Variants in SYT9 observed in about 807,000 individuals in gnomAD.
The protein encoded by SYT9 is synaptotagmin-9.
Under a neutral mutation model 48.4 loss-of-function variants are expected in SYT9, and 22 were observed. That is an observed-to-expected ratio of 0.45 (90% CI 0.32 to 0.65). SYT9 has a LOEUF of 0.65. Among genes scored for constraint, SYT9 ranks in the 30% least tolerant of loss-of-function variants. The pLI, the probability that SYT9 is intolerant of heterozygous loss-of-function variation, is 0.03. For missense variants in SYT9, 577 were observed against 622.0 expected (o/e 0.93, Z 0.77); for synonymous variants, 265 against 245.0 (o/e 1.08, Z -0.76).
intron 3 of SYT9, among the ~76,000 whole-genome samples, chr11:7,394,630 T>C (rs115286193): frequency 0.014 from 2,063 of 152,208 alleles, 42 homozygotes; most frequent in African/African-American, 0.048. Context: ...AGAACAAACT[T>C]TTCATTTCAT....
At chr11:7,359,052 C>T (rs1463109617) in intron 3 of SYT9, among the ~76,000 whole-genome samples, 5 of 151,526 alleles carry the variant, frequency 3.3e-5, no homozygotes, top group Admixed American at 2.6e-4. Context: ...TTCCTGTGTC[C>T]ATATGTTCTC....
chr11:7,332,952 A>G (rs1192283971), intron 3 of SYT9, among the ~76,000 whole-genome samples: 1 of 152,234 alleles, frequency 6.6e-6, no homozygotes, highest in Non-Finnish European at 1.5e-5. Flanking sequence ...AAGTATTACT[A>G]TCCAAAATAG....
At chr11:7,366,703 C>T (rs1368462808) in intron 3 of SYT9, among the ~76,000 whole-genome samples, 2 of 152,070 alleles carry the variant, frequency 1.3e-5, no homozygotes, top group African/African-American at 4.8e-5. Context: ...TATAAATCCA[C>T]ATATATATAT....
chr11:7,286,897 T>C (rs1468549310), intron 1 of SYT9, among the ~76,000 whole-genome samples: 1 of 152,206 alleles, frequency 6.6e-6, no homozygotes, highest in Non-Finnish European at 1.5e-5. Context: ...TCAACAAGTC[T>C]CCAGGAAGTT....
chr11:7,306,347 T>C (rs1849030238), intron 2 of SYT9, among the ~76,000 whole-genome samples: 1 of 152,174 alleles, frequency 6.6e-6, no homozygotes. Flanking sequence ...ATGTAACACT[T>C]CAGTTTTTCA....
intron 6 of SYT9, among the ~76,000 whole-genome samples, chr11:7,451,488 A>G (rs574959893): frequency 6.6e-6 from 1 of 152,332 alleles, no homozygotes; most frequent in South Asian, 2.1e-4. Flanking sequence ...TCCTCTTCAG[A>G]TAAAAGAACC....
Position 7,286,577 on chromosome 11 carries a change from A to C in SYT9, c.146-16462A>C, listed in dbSNP as rs574277660. On this transcript the variant is annotated intron_variant, in intron 1 of 6. Coordinates refer to ENST00000318881, the MANE Select transcript of SYT9 (RefSeq NM_175733.4). ...TACGCAAATTTCTGCAGCCAGCTTG[A>C]ATTTCTCCCCAGAAAATGGCTTTTT... Among the ~76,000 whole-genome samples, 4 of 152,308 alleles carry C rather than the reference A, an allele frequency of 2.6e-5. No homozygotes were observed. In the South Asian group the frequency reaches 8.3e-4, roughly 32 times the overall value.
chr11:7,242,787 C>A (rs1039888201), intron 1 of SYT9, among the ~76,000 whole-genome samples: 1 of 152,098 alleles, frequency 6.6e-6, no homozygotes, highest in African/African-American at 2.4e-5. Flanking sequence ...TGGCTTACAC[C>A]TGTAATCCCA....
chr11:7,394,755 C>T (rs556945864), intron 3 of SYT9, among the ~76,000 whole-genome samples: 67 of 152,066 alleles, frequency 4.4e-4, no homozygotes, highest in Non-Finnish European at 9.0e-4. Context: ...TTTCTAATTC[C>T]TTTAGGTACA....
intron 1 of SYT9, among the ~76,000 whole-genome samples, chr11:7,287,442 G>A (rs998561670): frequency 6.6e-6 from 1 of 152,142 alleles, no homozygotes; most frequent in African/African-American, 2.4e-5. Flanking sequence ...TAAATTAGTG[G>A]CTATTTTTAT....
At chr11:7,265,113 A>G (rs1034422693) in intron 1 of SYT9, among the ~76,000 whole-genome samples, 5 of 152,180 alleles carry the variant, frequency 3.3e-5, no homozygotes, top group African/African-American at 1.2e-4. Context: ...ATGATATGAA[A>G]TAGAGAGAGA....
intron 3 of SYT9, among the ~76,000 whole-genome samples, chr11:7,364,158 T>C (rs1850198558): frequency 6.6e-6 from 1 of 152,070 alleles, no homozygotes; most frequent in South Asian, 2.1e-4. Context: ...TCATCCTACT[T>C]GATAGGATGA....
rs553683238 is a variant in SYT9, at chr11:7,318,852, C to A, written c.1044+4911C>A. Among the ~76,000 whole-genome samples, 17 of 152,300 alleles carry A rather than the reference C, an allele frequency of 1.1e-4. No homozygotes were observed. The South Asian group carries it at 3.3e-3, about 30-fold the overall frequency. ...CTTGATATAGTACATTTTCTTTACA[C>A]TGCTGAGTTCAGTTTGATAATATTT... is the stretch of plus-strand genomic sequence containing the variant. On this transcript the variant is annotated intron_variant, in intron 3 of 6. Coordinates refer to ENST00000318881, the MANE Select transcript of SYT9 (RefSeq NM_175733.4).
intron 3 of SYT9, among the ~76,000 whole-genome samples, chr11:7,331,524 A>G (rs882127): frequency 2.0e-5 from 3 of 152,094 alleles, no homozygotes; most frequent in Admixed American, 2.0e-4. Context: ...AGCCTGGGCA[A>G]CATGGTGAAA....
intron 1 of SYT9, among the ~76,000 whole-genome samples, chr11:7,286,179 G>A (rs1848591846): frequency 6.6e-6 from 1 of 152,216 alleles, no homozygotes; most frequent in Non-Finnish European, 1.5e-5. Flanking sequence ...CTCCATGAGG[G>A]CTCCACCCCT....
intron 6 of SYT9, among the ~76,000 whole-genome samples, chr11:7,452,705 CAG>C (rs1848076956): frequency 6.6e-6 from 1 of 151,970 alleles, no homozygotes; most frequent in African/African-American, 2.4e-5. Context: ...GCCAGTTGCC[CAG>C]AGAGCTTTGA....
At chr11:7,428,181 G>C (rs982639993) in intron 6 of SYT9, 1 of 152,166 alleles carries the variant, frequency 6.6e-6, no homozygotes, top group Non-Finnish European at 1.5e-5. Flanking sequence ...AACACTAGAG[G>C]TATAAAAGAT....
chr11:7,362,704 C>T (rs72856420), intron 3 of SYT9, among the ~76,000 whole-genome samples: 12,867 of 151,552 alleles, frequency 0.085, 583 homozygotes, highest in East Asian at 0.19. Flanking sequence ...GTACTTATCG[C>T]ATATATATAT....
chr11:7,366,331 T>A (rs1403251510), intron 3 of SYT9, among the ~76,000 whole-genome samples: 1 of 152,222 alleles, frequency 6.6e-6, no homozygotes, highest in African/African-American at 2.4e-5. Context: ...TATGTTGGTG[T>A]ATGTACTTGA....
Sources: gnomAD v4.1 joint callset for allele counts (sites outside exome capture counted in the v4.1 genomes callset) on GRCh38, gnomAD v4.1.1 for gene constraint, MANE v1.5 for transcripts, NCBI Gene and HGNC (gene_info 2026-07-23, HGNC 2026-07-21) for gene names.